PCDHA10: variants seen among roughly 807,000 people sequenced by gnomAD.
PCDHA10 encodes the protein protocadherin alpha-10.
In PCDHA10, 45 loss-of-function variants were observed where a neutral mutation model predicts 61.2. The observed-to-expected ratio is 0.74, with a 90% CI of 0.58 to 0.94. PCDHA10 has a LOEUF of 0.94. Ranked by LOEUF, PCDHA10 falls within the 40% of genes least tolerant of loss-of-function variation. The pLI is 0.00. For synonymous variants in PCDHA10, 602 were observed against 548.8 expected (o/e 1.10, Z -1.35); for missense variants, 1,278 against 1,236.2 (o/e 1.03, Z -0.51).
chr5:140,875,160 C>A, intron 1 of PCDHA10: 1 of 339,568 alleles, frequency 2.9e-6, no homozygotes, highest in Non-Finnish European at 5.1e-6. Flanking sequence ...GAAAAATAAC[C>A]CAAAGTCGAA....
Position 140,870,665 on chromosome 5 carries a change from C to T in PCDHA10, c.2388+12229C>T, listed in dbSNP as rs782328974. ...AGCGGCAAGGTGTACGCGCTGCAGC[C>T]GTTGGACCACGAGGAGCTGGAGCTG... On this transcript the variant is annotated intron_variant, in intron 1 of 3. Coordinates refer to ENST00000307360, the MANE Select transcript of PCDHA10 (RefSeq NM_018901.4). 1.2e-5 allele frequency: 20 copies of T among 1,612,506 alleles called. No individual in the cohort carries two copies. The South Asian group carries it at 1.4e-4, about 12-fold the overall frequency.
intron 1 of PCDHA10, among the ~76,000 whole-genome samples, chr5:140,880,091 C>A (rs925970617): frequency 6.6e-6 from 1 of 152,106 alleles, no homozygotes; most frequent in African/African-American, 2.4e-5. Context: ...TTATAGTAGG[C>A]TTAAAATCAT....
At chr5:140,883,597 G>T (rs2059691205) in intron 1 of PCDHA10, 3 of 1,614,004 alleles carry the variant, frequency 1.9e-6, no homozygotes, top group Middle Eastern at 1.7e-4. Context: ...GCGTGTCGGT[G>T]GGGGTGGCCG....
intron 1 of PCDHA10, chr5:140,863,366 C>T (rs1408958867): frequency 6.7e-6 from 8 of 1,190,328 alleles, no homozygotes; most frequent in African/African-American, 4.6e-5. Flanking sequence ...CGGTGCTTGG[C>T]GCAGCTCACC....
rs868946985 is a variant in PCDHA10, at chr5:140,985,825, T to C, written c.2536+3262T>C. ...CACGATCTCAGCTCACAACAAGCTC[T>C]GCCTCCCGGGTTCATGCCACTCTCC... On this transcript the variant is annotated intron_variant, in intron 3 of 3. Transcript: ENST00000307360. 4.1e-4 allele frequency among the ~76,000 whole-genome samples: 61 copies of C among 148,858 alleles called. 1 individual carries two copies. The highest frequency in any genetic ancestry group is 2.7e-4 in the Admixed American group (4 of 14,688).
At position 140,856,716 on chromosome 5, in the gene PCDHA10, G is replaced by A; in HGVS notation, c.668G>A (p.Gly223Glu). 6.3e-7 allele frequency: 1 copy of A among 1,596,628 alleles called. No individual in the cohort carries two copies. Residue 223 changes from glycine (G) to glutamate (E), a missense_variant, in exon 1 of 4, where the codon GGA (glycine) becomes GAA (glutamate). Gly to Glu is a moderately conservative substitution (Grantham distance 98, BLOSUM62 -2). Coordinates refer to ENST00000307360, the MANE Select transcript of PCDHA10 (RefSeq NM_018901.4). ...GATGGAGGCAAACCTGAATTTACCGGATCTGTTTCTCTGCTGATCCTGGTG... is the reference window on the plus strand; with the variant it reads ...GATGGAGGCAAACCTGAATTTACCGAATCTGTTTCTCTGCTGATCCTGGTG... ...ATDGGKPEFTGSVSLLILVLD... is the reference protein window; with the variant it reads ...ATDGGKPEFTESVSLLILVLD...
At chr5:140,941,216 T>TTTCTTTCTTTCC (rs782179127) in intron 1 of PCDHA10, among the ~76,000 whole-genome samples, 13 of 124,948 alleles carry the variant, frequency 1.0e-4, no homozygotes, top group Non-Finnish European at 1.8e-4. Context: ...TCTTTCTTCC[T>TTTCTTTCTTTCC]TTCTTTCTTT....
At chr5:140,949,271 TGAAAA>T (rs1377326965) in intron 1 of PCDHA10, among the ~76,000 whole-genome samples, 5 of 151,804 alleles carry the variant, frequency 3.3e-5, no homozygotes, top group Non-Finnish European at 5.9e-5. Flanking sequence ...CACGTGCACT[TGAAAA>T]GAATGTATAT....
At chr5:140,993,198 A>C (rs1554253472) in intron 3 of PCDHA10, among the ~76,000 whole-genome samples, 1 of 151,946 alleles carries the variant, frequency 6.6e-6, no homozygotes, top group African/African-American at 2.4e-5. Context: ...AACTCACTAA[A>C]GCTAATTTTT....
chr5:140,887,561 CT>C (rs2061497104), intron 1 of PCDHA10, among the ~76,000 whole-genome samples: 1 of 151,690 alleles, frequency 6.6e-6, no homozygotes, highest in Non-Finnish European at 1.5e-5. Context: ...ACTGTTAAAA[CT>C]TTTCTTTTTA....
At chr5:140,942,239 T>A (rs1554214876) in intron 1 of PCDHA10, among the ~76,000 whole-genome samples, 1 of 152,156 alleles carries the variant, frequency 6.6e-6, no homozygotes, top group Admixed American at 6.6e-5. Flanking sequence ...AAATAAGATA[T>A]CCATATCATT....
At chr5:140,985,348 A>G (rs1197077354) in intron 3 of PCDHA10, among the ~76,000 whole-genome samples, 2 of 152,190 alleles carry the variant, frequency 1.3e-5, no homozygotes, top group Non-Finnish European at 2.9e-5. Context: ...AGGCCCAGAT[A>G]TAGACCCTCT....
At chr5:140,992,471 A>G (rs1563581785) in intron 3 of PCDHA10, among the ~76,000 whole-genome samples, 1 of 152,186 alleles carries the variant, frequency 6.6e-6, no homozygotes, top group Non-Finnish European at 1.5e-5. Context: ...TACTCTTTAG[A>G]TCACCCAGAG....
chr5:140,871,280 C>A, intron 1 of PCDHA10: 1 of 1,613,916 alleles, frequency 6.2e-7, no homozygotes, highest in Non-Finnish European at 8.5e-7. Context: ...TCGGCAACGC[C>A]CACTGAGGGC....
At chr5:140,882,824 C>G in intron 1 of PCDHA10, 6 of 1,614,206 alleles carry the variant, frequency 3.7e-6, no homozygotes, top group Non-Finnish European at 5.1e-6. Flanking sequence ...ACAAAACAGT[C>G]TTGAGCAAAT....
chr5:140,923,189 C>T (rs1452451112), intron 1 of PCDHA10, among the ~76,000 whole-genome samples: 4 of 152,092 alleles, frequency 2.6e-5, no homozygotes, highest in Admixed American at 6.5e-5. Context: ...GCATCTACTG[C>T]AGCAATTTGG....
chr5:140,999,600 TG>T (rs1213821435), intron 3 of PCDHA10, among the ~76,000 whole-genome samples: 3 of 152,150 alleles, frequency 2.0e-5, no homozygotes. Context: ...CCCTACATCC[TG>T]GGGGACCTTA....
intron 1 of PCDHA10, chr5:140,868,962 A>G (rs1554162350): frequency 1.4e-5 from 20 of 1,421,940 alleles, no homozygotes; most frequent in Non-Finnish European, 3.8e-6. Flanking sequence ...CTCCCATACA[A>G]AGGAACTCCA....
At chr5:140,976,637 A>G (rs781951504) in intron 1 of PCDHA10, among the ~76,000 whole-genome samples, 16 of 152,226 alleles carry the variant, frequency 1.1e-4, no homozygotes, top group Non-Finnish European at 1.5e-4. Flanking sequence ...CAGCAATCAG[A>G]CAAGTAATTT....
Sources: allele counts gnomAD v4.1 joint callset (sites outside exome capture counted in the v4.1 genomes callset), GRCh38; gene constraint gnomAD v4.1.1; transcripts MANE v1.5; gene names NCBI Gene and HGNC (gene_info 2026-07-23, HGNC 2026-07-21).